The following KIF26B variants were observed in gnomAD, a reference collection of about 807,000 sequenced individuals.
KIF26B encodes the protein kinesin family member 26B, also known as kinesin-like protein KIF26B.
A neutral mutation model predicts 151.2 loss-of-function variants in KIF26B; 63 were observed. That is an observed-to-expected ratio of 0.42 (90% CI 0.34 to 0.51). KIF26B has a LOEUF of 0.51. Among genes scored for constraint, KIF26B ranks in the 20% least tolerant of loss-of-function variants. The pLI, the probability that KIF26B is intolerant of heterozygous loss-of-function variation, is 0.07. For missense variants in KIF26B, 2,813 were observed against 2,913.6 expected, an observed-to-expected ratio of 0.97 and a Z score of 0.79; for synonymous variants, 1,357 against 1,262.1, an observed-to-expected ratio of 1.08 and a Z score of -1.59.
In KIF26B at chr1:245,685,453, A is replaced by C. The variant is rs1166230789; in HGVS notation, c.2470A>C (p.Met824Leu). ...GGAGAGCTCCTGCGAAGAAGGCCGCATGCGCAGGCCCACCCAGCTGAGACC... is the reference window on the plus strand; with the variant it reads ...GGAGAGCTCCTGCGAAGAAGGCCGCCTGCGCAGGCCCACCCAGCTGAGACC... ...GGESSCEEGRMRRPTQLRPFH... is the reference protein window; with the variant it reads ...GGESSCEEGRLRRPTQLRPFH... The change falls in exon 12 of 15, where the codon ATG (methionine) becomes CTG (leucine). Residue 824 changes from methionine to leucine, a missense_variant. By Grantham distance (15) the Met-to-Leu change is conservative. This residue lies in a region of KIF26B where 2,060 missense variants were observed against 2,088.6 expected (regional missense o/e 0.99). Coordinates refer to ENST00000407071, the MANE Select transcript of KIF26B (RefSeq NM_018012.4). The C allele has an allele frequency of 6.2e-7, 1 of 1,613,640 alleles. No homozygotes were observed. The highest frequency in any genetic ancestry group is 8.5e-7 in the Non-Finnish European group (1 of 1,179,802).
intron 4 of KIF26B, among the ~76,000 whole-genome samples, chr1:245,452,326 T>C (rs775431585): frequency 1.6e-4 from 24 of 152,242 alleles, no homozygotes; most frequent in Non-Finnish European, 2.9e-5. Flanking sequence ...CCATACTTTT[T>C]TATTTATTTA....
At chr1:245,284,836 C>T (rs1671136751) in intron 2 of KIF26B, among the ~76,000 whole-genome samples, 2 of 151,890 alleles carry the variant, frequency 1.3e-5, no homozygotes, top group African/African-American at 4.8e-5. Context: ...GTTGGGAGTT[C>T]AAGACCAGCC....
At chr1:245,472,185 A>T (rs754774928) in intron 4 of KIF26B, among the ~76,000 whole-genome samples, 28 of 152,206 alleles carry the variant, frequency 1.8e-4, no homozygotes, top group African/African-American at 5.8e-4. Flanking sequence ...CCAGGCAAAG[A>T]TCTAGAGGGA....
chr1:245,698,295 G>A lies in KIF26B; in HGVS notation c.6014G>A (p.Gly2005Glu). 6.2e-7 allele frequency: 1 copy of A among 1,613,340 alleles called. No homozygotes were observed. Among genetic ancestry groups the A allele is most frequent in the Non-Finnish European group, 8.5e-7 (1 of 1,179,798 alleles). ...DDVERLQRRR[G>E]GASKEAMCFN... ...GTGGAGCGCCTGCAGCGGCGACGAG[G>A]GGGTGCCAGCAAGGTGAGGCAGCCT... Residue 2005 changes from glycine (G) to glutamate (E), a missense_variant, in exon 13 of 15, where the codon GGG becomes GAG. Gly to Glu is a moderately conservative substitution (Grantham distance 98, BLOSUM62 -2). Transcript: ENST00000407071. This position sits in a 1 kb window ranked among gnomAD's most constrained non-coding sequence, Gnocchi z 4.0.
At position 245,155,081 on chromosome 1, in the gene KIF26B, T is replaced by C; in HGVS notation, c.-344T>C. The C allele has an allele frequency of 2.0e-6, 1 of 491,338 alleles. No individual in the cohort carries two copies. The highest frequency in any genetic ancestry group is 3.8e-5 in the South Asian group (1 of 26,204). The allele number at this position is 491,338 out of a possible 1,614,324, so 30.4% of individuals were successfully genotyped here. ...CGGCCGCGAGCCCTGATTGTATCCCTCGCTTTCCTCGTGGGGGAGCACGGA... is the reference window on the plus strand; with the variant it reads ...CGGCCGCGAGCCCTGATTGTATCCCCCGCTTTCCTCGTGGGGGAGCACGGA... On this transcript the variant is annotated 5_prime_UTR_variant, in exon 1 of 15. Transcript: ENST00000407071.
intron 2 of KIF26B, among the ~76,000 whole-genome samples, chr1:245,201,384 G>T (rs1393830001): frequency 1.3e-5 from 2 of 152,230 alleles, no homozygotes; most frequent in Non-Finnish European, 2.9e-5. Flanking sequence ...AGGACACAGA[G>T]ATCATTTAAA....
At chr1:245,630,080 C>A (rs374716542) in intron 9 of KIF26B, among the ~76,000 whole-genome samples, 10 of 152,054 alleles carry the variant, frequency 6.6e-5, no homozygotes, top group East Asian at 3.9e-4. Context: ...AGTCAAGAAA[C>A]AATAGATGGT....
At chr1:245,636,851 A>G (rs1452482020) in intron 9 of KIF26B, among the ~76,000 whole-genome samples, 1 of 137,046 alleles carries the variant, frequency 7.3e-6, no homozygotes, top group Non-Finnish European at 1.6e-5. Context: ...ATGGCTGAAT[A>G]ATATTCCATT....
intron 2 of KIF26B, among the ~76,000 whole-genome samples, chr1:245,311,046 T>C (rs1256094749): frequency 6.6e-6 from 1 of 152,132 alleles, no homozygotes; most frequent in East Asian, 1.9e-4. Flanking sequence ...ATCAGGAGTC[T>C]GTGTCAACAT....
In KIF26B at chr1:245,708,959, A is replaced by G. The variant is rs940675699; in HGVS notation, c.*6353A>G. On this transcript the variant is annotated 3_prime_UTR_variant, in exon 15 of 15. Coordinates refer to ENST00000407071, the MANE Select transcript of KIF26B (RefSeq NM_018012.4). ...TCATAAAATCTTGTTTTACAATTCA[A>G]TGGTAGTGCTTAATGTTACTGTCTG... 5 of 152,238 alleles carry G rather than the reference A, an allele frequency of 3.3e-5. No homozygotes were observed. Among genetic ancestry groups the G allele is most frequent in the African/African-American group, 1.2e-4 (5 of 41,454 alleles). 9.4% of individuals were successfully genotyped at this position (152,238 alleles called of 1,614,324 possible).
chr1:245,436,080 G>C (rs979357398), intron 4 of KIF26B, among the ~76,000 whole-genome samples: 1 of 151,732 alleles, frequency 6.6e-6, no homozygotes, highest in African/African-American at 2.4e-5. Context: ...GGGAGGCTGA[G>C]ACAGGAGAAT....
At chr1:245,417,406 C>G (rs1674447333) in intron 3 of KIF26B, among the ~76,000 whole-genome samples, 1 of 151,932 alleles carries the variant, frequency 6.6e-6, no homozygotes, top group Admixed American at 6.6e-5. Flanking sequence ...TTGGCTTGGG[C>G]AAATTGCTTC....
At position 245,602,839 on chromosome 1, in the gene KIF26B, CT is replaced by C; in HGVS notation, c.1557+57del. On this transcript the variant is annotated intron_variant, in intron 6 of 14. Coordinates refer to ENST00000407071, the MANE Select transcript of KIF26B (RefSeq NM_018012.4). This position sits in a 1 kb window ranked among gnomAD's most constrained non-coding sequence, Gnocchi z 4.5. ...AACGTTGATGAAAGGGCAACGTTTA[CT>C]CATTCACAAGGGCCCTTGAGCTGGG... 1 of 1,532,836 alleles carries C rather than the reference CT, an allele frequency of 6.5e-7. No homozygotes were observed. The highest frequency in any genetic ancestry group is 9.0e-7 in the Non-Finnish European group (1 of 1,108,062). 95.0% of individuals were successfully genotyped at this position (1,532,836 alleles called of 1,614,324 possible).
At chr1:245,346,687 A>G (rs1672464353) in intron 2 of KIF26B, among the ~76,000 whole-genome samples, 1 of 152,124 alleles carries the variant, frequency 6.6e-6, no homozygotes, top group African/African-American at 2.4e-5. Context: ...ACTATACCCT[A>G]GAGCTTATTA....
At chr1:245,679,457 G>GTGTTT (rs2044400945) in intron 10 of KIF26B, among the ~76,000 whole-genome samples, 2 of 59,208 alleles carry the variant, frequency 3.4e-5, no homozygotes, top group African/African-American at 5.9e-5. Flanking sequence ...TTTTGTGTGT[G>GTGTTT]TTTTTTTTTT....
chr1:245,541,828 G>T (rs531564463), intron 5 of KIF26B, among the ~76,000 whole-genome samples: 1 of 152,044 alleles, frequency 6.6e-6, no homozygotes, highest in African/African-American at 2.4e-5. Flanking sequence ...TGTTCAGTTC[G>T]CAGACTGCCA....
At chr1:245,554,532 T>A (rs904750640) in intron 5 of KIF26B, among the ~76,000 whole-genome samples, 2 of 152,138 alleles carry the variant, frequency 1.3e-5, no homozygotes, top group Non-Finnish European at 2.9e-5. Flanking sequence ...CAGAAGTTGC[T>A]ATCAGAAAGA....
intron 5 of KIF26B, among the ~76,000 whole-genome samples, chr1:245,581,926 G>GAGGA (rs141698408): frequency 0.26 from 36,670 of 142,116 alleles, 4,843 homozygotes; most frequent in Middle Eastern, 0.34. Flanking sequence ...AAGAGAGAAA[G>GAGGA]AGGAAGGAAG....
At chr1:245,523,891 C>T (rs747394892) in intron 4 of KIF26B, among the ~76,000 whole-genome samples, 4 of 152,142 alleles carry the variant, frequency 2.6e-5, no homozygotes, top group Non-Finnish European at 4.4e-5. Context: ...ATGTGAGCCC[C>T]TCTTGGCAAA....
Sources: gnomAD v4.1 joint callset for allele counts (sites outside exome capture counted in the v4.1 genomes callset) on GRCh38, gnomAD v4.1.1 for gene constraint, gnomAD v4.1.1 regional missense constraint, Gnocchi (gnomAD v3.1) non-coding constraint, MANE v1.5 for transcripts, NCBI Gene and HGNC (gene_info 2026-07-23, HGNC 2026-07-21) for gene names.